ZNF396: variants seen among roughly 807,000 people sequenced by gnomAD.
ZNF396 encodes the protein zinc finger protein 396.
A neutral mutation model predicts 20.5 loss-of-function variants in ZNF396; 14 were observed. That is an observed-to-expected ratio of 0.68 (90% CI 0.45 to 1.07). The LOEUF is 1.07. Ranked by LOEUF, ZNF396 falls within the 50% of genes least tolerant of loss-of-function variation. The probability of loss-of-function intolerance (pLI) is 0.00; values close to 1 mark genes in which losing one functional copy is unlikely to be tolerated. For synonymous variants in ZNF396, 119 were observed against 140.6 expected (o/e 0.85, Z 1.08); for missense variants, 347 against 390.1 (o/e 0.89, Z 0.93).
At chr18:35,370,580 T>C (rs950990170) in intron 3 of ZNF396, among the ~76,000 whole-genome samples, 5 of 137,486 alleles carry the variant, frequency 3.6e-5, no homozygotes, top group Admixed American at 1.6e-4. Context: ...TGGCGGGATC[T>C]CGGCTCACTG....
At position 35,369,590 on chromosome 18, in the gene ZNF396, A is replaced by G. The variant is rs775808351; in HGVS notation, c.633T>C (p.His211=). 8.1e-6 allele frequency: 13 copies of G among 1,614,050 alleles called. No individual in the cohort carries two copies. The highest frequency in any genetic ancestry group is 1.6e-4 in the Middle Eastern group (1 of 6,062). Residue 211 remains histidine, a synonymous_variant, in exon 4 of 4, where the codon CAT becomes CAC. Coordinates refer to ENST00000589332, the MANE Select transcript of ZNF396 (RefSeq NM_001322286.2). ...RQKTSLGIEL[H]CNVSNILHMN... is the part of the protein sequence containing the mutation. Reference sequence around the variant, plus strand: ...TATGAAGGATATTGGAAACATTGCAATGCAGTTCTATGCCTAAAGAAGTCT... The same window carrying G: ...TATGAAGGATATTGGAAACATTGCAGTGCAGTTCTATGCCTAAAGAAGTCT...
Position 35,368,321 on chromosome 18 carries a change from T to G in ZNF396, c.*894A>C. 7.9e-7 allele frequency: 1 copy of G among 1,262,678 alleles called. No homozygotes were observed. The highest frequency in any genetic ancestry group is 1.1e-6 in the Non-Finnish European group (1 of 940,226). 78.2% of individuals were successfully genotyped at this position (1,262,678 alleles called of 1,614,324 possible). A position where few individuals can be genotyped will look rare whatever the true frequency, so the allele number is the denominator to read the frequency against. On this transcript the variant is annotated 3_prime_UTR_variant, in exon 4 of 4. Coordinates refer to ENST00000589332, the MANE Select transcript of ZNF396 (RefSeq NM_001322286.2). ...CTTGATATTAATAGTATGGAGGCTC[T>G]TGTGTGCTTTCATAAGATAAGGCCT...
intron 3 of ZNF396, among the ~76,000 whole-genome samples, chr18:35,371,614 T>C (rs1433338272): frequency 6.6e-6 from 1 of 152,166 alleles, no homozygotes; most frequent in African/African-American, 2.4e-5. Flanking sequence ...ACTCAGCCCT[T>C]TCTTCCTCTT....
chr18:35,373,454 A>T lies in ZNF396; in HGVS notation c.562+2T>A. On this transcript the variant is annotated splice_donor_variant, in intron 3 of 3. Coordinates refer to ENST00000589332, the MANE Select transcript of ZNF396 (RefSeq NM_001322286.2). LOFTEE classifies it high-confidence loss of function. Reference sequence around the variant, plus strand: ...AACATGAACTGAATCCTGCCCCCTCACCATGTGGTCTTAAGGACTGAAGCT... The same window carrying T: ...AACATGAACTGAATCCTGCCCCCTCTCCATGTGGTCTTAAGGACTGAAGCT... 6.2e-7 allele frequency: 1 copy of T among 1,613,090 alleles called. No individual in the cohort carries two copies. The highest frequency in any genetic ancestry group is 8.5e-7 in the Non-Finnish European group (1 of 1,179,552).
intron 1 of ZNF396, among the ~76,000 whole-genome samples, chr18:35,375,370 A>G (rs1440448856): frequency 6.6e-6 from 1 of 151,852 alleles, no homozygotes; most frequent in Non-Finnish European, 1.5e-5. Flanking sequence ...TTCCATATCC[A>G]TATTACTTAC....
intron 1 of ZNF396, among the ~76,000 whole-genome samples, chr18:35,376,974 C>G (rs1007809069): frequency 6.6e-6 from 1 of 152,122 alleles, no homozygotes; most frequent in East Asian, 1.9e-4. Context: ...CCCACCGCGC[C>G]GCGCCGCGCG....
At chr18:35,376,716 A>G (rs1278078368) in intron 1 of ZNF396, among the ~76,000 whole-genome samples, 11 of 152,194 alleles carry the variant, frequency 7.2e-5, no homozygotes, top group Non-Finnish European at 4.4e-5. Flanking sequence ...GGGCTAAAGC[A>G]GCCTCTGGAA....
rs1373930934 is a variant in ZNF396, at chr18:35,367,144, A to T, written c.*2071T>A. ...TTTGTTCCTCTCCGTAATTACAAAG[A>T]CAATGAGCCCCAAATAAAAAGTATC... On this transcript the variant is annotated 3_prime_UTR_variant, in exon 4 of 4. Transcript: ENST00000589332. 3.3e-5 allele frequency: 5 copies of T among 152,236 alleles called. No individual in the cohort carries two copies. The highest frequency in any genetic ancestry group is 1.2e-4 in the African/African-American group (5 of 41,468). The allele number at this position is 152,236 out of a possible 1,614,324, so 9.4% of individuals were successfully genotyped here. A position where few individuals can be genotyped will look rare whatever the true frequency, so the allele number is the denominator to read the frequency against.
intron 1 of ZNF396, among the ~76,000 whole-genome samples, chr18:35,375,683 T>C (rs901443480): frequency 5.3e-5 from 8 of 152,122 alleles, no homozygotes; most frequent in African/African-American, 1.9e-4. Context: ...GGGACGGCAC[T>C]TTCCTTTGTA....
At position 35,369,473 on chromosome 18, in the gene ZNF396, T is replaced by A; in HGVS notation, c.750A>T (p.Gln250His). 6.2e-7 allele frequency: 1 copy of A among 1,614,196 alleles called. No individual in the cohort carries two copies. The highest frequency in any genetic ancestry group is 1.1e-5 in the South Asian group (1 of 91,086). The change falls in exon 4 of 4, where the codon CAA becomes CAT. Residue 250 changes from glutamine to histidine, a missense_variant. Transcript: ENST00000589332. ...KRQGNPSWKKQQKCDECGKIF... is the reference protein window; with the variant it reads ...KRQGNPSWKKHQKCDECGKIF... Reference sequence around the variant, plus strand: ...TTTTGCCACATTCATCACATTTCTGTTGTTTTTTCCAAGAAGGGTTTCCTT... The same window carrying A: ...TTTTGCCACATTCATCACATTTCTGATGTTTTTTCCAAGAAGGGTTTCCTT...
intron 1 of ZNF396, among the ~76,000 whole-genome samples, chr18:35,375,287 CAAAA>C (rs386387385): frequency 5.7e-4 from 19 of 33,546 alleles, no homozygotes; most frequent in Non-Finnish European, 6.2e-4. Flanking sequence ...TCTACCCCAC[CAAAA>C]AAAAAAAAAA....
chr18:35,372,575 C>A (rs1841253242), intron 3 of ZNF396: 1 of 152,164 alleles, frequency 6.6e-6, no homozygotes, highest in African/African-American at 2.4e-5. Context: ...AGTAGGATTT[C>A]CCTCTTAATC....
chr18:35,373,842 C>G, intron 2 of ZNF396, 34 bp downstream of exon 2: 1 of 1,583,770 alleles, frequency 6.3e-7, no homozygotes, highest in Non-Finnish European at 8.6e-7. Flanking sequence ...CTTGACTCAG[C>G]CTGGGGGTTC....
Position 35,369,276 on chromosome 18 carries a change from A to C in ZNF396, c.947T>G (p.Phe316Cys), listed in dbSNP as rs116074936. ...TCTAAAAAGATTTGAGCTCTGACTA[A>C]AGGCTTTGCCACAGTCATGACACTT... ...PYKCHDCGKA[F>C]SQSSNLFRHR... The change falls in exon 4 of 4, where the codon TTT becomes TGT. Residue 316 changes from phenylalanine to cysteine, a missense_variant. By Grantham distance (205) the Phe-to-Cys change is radical. Transcript: ENST00000589332. 1.2e-4 allele frequency: 195 copies of C among 1,613,808 alleles called. 1 individual carries two copies. In the African/African-American group the frequency reaches 2.5e-3, roughly 21 times the overall value.
chr18:35,374,352 C>A lies in ZNF396; in HGVS notation c.-60G>T. The A allele has an allele frequency of 6.8e-7, 1 of 1,475,140 alleles. No homozygotes were observed. The highest frequency in any genetic ancestry group is 1.2e-5 in the South Asian group (1 of 81,644). 91.4% of individuals were successfully genotyped at this position (1,475,140 alleles called of 1,614,324 possible). A position where few individuals can be genotyped will look rare whatever the true frequency, so the allele number is the denominator to read the frequency against. On this transcript the variant is annotated 5_prime_UTR_variant, in exon 2 of 4. In the 5' UTR this introduces an upstream ATG that the reference lacks. Transcript: ENST00000589332. The surrounding 1 kb of genome is among the most constrained non-coding windows in gnomAD (Gnocchi z 4.3). ...TAATCCTCAAGGAGGTGAAGCTGTC[C>A]TGATGGACACTCCTTAAATATGATT...
chr18:35,373,663 CAG>C, intron 2 of ZNF396, 63 bp from the exon 3 acceptor site: 2 of 1,578,732 alleles, frequency 1.3e-6, no homozygotes, highest in Non-Finnish European at 1.7e-6. Context: ...GATAAAATAA[CAG>C]AGAAGAAACT....
Position 35,373,891 on chromosome 18 carries a change from A to C in ZNF396, c.402T>G (p.Leu134=). 1.2e-6 allele frequency: 2 copies of C among 1,612,812 alleles called. No homozygotes were observed. Among genetic ancestry groups the C allele is most frequent in the South Asian group, 2.2e-5 (2 of 90,888 alleles). ...VTMLEDVERE[L]DGPKQIFFGR... ...TCCTTCTTACCTGCTTTGGTCCATC[A>C]AGCTCTCTCTCCACATCCTCCAGCA... Residue 134 remains leucine (L), a synonymous_variant, in exon 2 of 4, where the codon CTT becomes CTG. Transcript: ENST00000589332.
At chr18:35,371,628 A>G (rs1297559011) in intron 3 of ZNF396, among the ~76,000 whole-genome samples, 1 of 152,138 alleles carries the variant, frequency 6.6e-6, no homozygotes, top group Admixed American at 6.5e-5. Flanking sequence ...TCCTCTTCTT[A>G]TAAAGTTACC....
chr18:35,373,599 A>T lies in ZNF396; in HGVS notation c.419T>A (p.Ile140Asn). Residue 140 changes from isoleucine to asparagine, a missense_variant and splice_region_variant, in exon 3 of 4, where the codon ATC (isoleucine) becomes AAC (asparagine). Physicochemically the swap from Ile to Asn is moderately radical, Grantham distance 149 (BLOSUM62 -3). Transcript: ENST00000589332. ...CATGTCCTTCCTTCGTCCAAAAAAG[A>T]TCTAAAAACAGGAATAATTGAGGCT... ...VERELDGPKQIFFGRRKDMIA... is the reference protein window; with the variant it reads ...VERELDGPKQNFFGRRKDMIA... The T allele has an allele frequency of 6.2e-7, 1 of 1,613,790 alleles. No homozygotes were observed. The highest frequency in any genetic ancestry group is 8.5e-7 in the Non-Finnish European group (1 of 1,179,866).
Sources: allele counts gnomAD v4.1 joint callset (sites outside exome capture counted in the v4.1 genomes callset), GRCh38; gene constraint gnomAD v4.1.1; non-coding constraint Gnocchi (gnomAD v3.1); transcripts MANE v1.5; gene names NCBI Gene and HGNC (gene_info 2026-07-23, HGNC 2026-07-21).